Variants in BMP2K observed in about 807,000 individuals in gnomAD.
BMP2K encodes BMP2 inducible kinase.
In BMP2K, 74 loss-of-function variants were observed where a neutral mutation model predicts 116.0. That is an observed-to-expected ratio of 0.64 (90% CI 0.53 to 0.77). The LOEUF (loss-of-function observed/expected upper bound fraction) is 0.77, where lower values mean the gene tolerates loss of function less well. BMP2K is among the 30% of genes least tolerant of loss of function. The pLI is 0.00. For missense variants in BMP2K, 1,365 were observed against 1,403.6 expected (o/e 0.97, Z 0.44); for synonymous variants, 486 against 502.5 (o/e 0.97, Z 0.44).
intron 10 of BMP2K, among the ~76,000 whole-genome samples, chr4:78,867,767 A>G (rs1732128500): frequency 6.6e-6 from 1 of 152,208 alleles, no homozygotes; most frequent in Non-Finnish European, 1.5e-5. Flanking sequence ...TTGTATTTAA[A>G]ATAAATGGAG....
At chr4:78,909,337 C>G (rs1174880711) in intron 15 of BMP2K, among the ~76,000 whole-genome samples, 1 of 148,274 alleles carries the variant, frequency 6.7e-6, no homozygotes, top group Non-Finnish European at 1.5e-5. Context: ...CACCCAGCCC[C>G]CTTAGTGTTT....
At chr4:78,787,581 G>T (rs748226875) in intron 1 of BMP2K, among the ~76,000 whole-genome samples, 1 of 152,106 alleles carries the variant, frequency 6.6e-6, no homozygotes, top group African/African-American at 2.4e-5. Flanking sequence ...TATCTTGAGT[G>T]GCGGATAGTA....
intron 3 of BMP2K, among the ~76,000 whole-genome samples, chr4:78,836,230 A>G (rs1039814755): frequency 6.6e-6 from 1 of 152,020 alleles, no homozygotes; most frequent in African/African-American, 2.4e-5. Flanking sequence ...AGCCTGACCA[A>G]CATAGTGAAA....
chr4:78,912,152 T>C lies in BMP2K; in HGVS notation c.*119T>C, dbSNP rs548139434. 11 of 908,466 alleles carry C rather than the reference T, an allele frequency of 1.2e-5. No homozygotes were observed. The Admixed American group carries it at 2.7e-4, about 22-fold the overall frequency. The allele number at this position is 908,466 out of a possible 1,614,324, so 56.3% of individuals were successfully genotyped here. A position where few individuals can be genotyped will look rare whatever the true frequency, so the allele number is the denominator to read the frequency against. On this transcript the variant is annotated 3_prime_UTR_variant, in exon 16 of 16. Coordinates refer to ENST00000502613, the MANE Select transcript of BMP2K (RefSeq NM_198892.2). Reference sequence around the variant, plus strand: ...ATTCATTCTTAAAGATCAGTCAGAATAGGTGATTTCTAAATAAACCAAATA... The same window carrying C: ...ATTCATTCTTAAAGATCAGTCAGAACAGGTGATTTCTAAATAAACCAAATA...
At chr4:78,860,610 A>G (rs1041831414) in intron 8 of BMP2K, among the ~76,000 whole-genome samples, 52 of 151,862 alleles carry the variant, frequency 3.4e-4, no homozygotes, top group Non-Finnish European at 6.6e-4. Flanking sequence ...GTGTATGGCA[A>G]GTCTCTGCCA....
intron 2 of BMP2K, among the ~76,000 whole-genome samples, chr4:78,833,373 A>G (rs1577909607): frequency 6.6e-6 from 1 of 152,030 alleles, no homozygotes; most frequent in East Asian, 1.9e-4. Context: ...TAATTTTCAT[A>G]TTTGCTGTTA....
At chr4:78,789,424 A>G (rs975082751) in intron 1 of BMP2K, among the ~76,000 whole-genome samples, 2 of 152,054 alleles carry the variant, frequency 1.3e-5, no homozygotes, top group Non-Finnish European at 2.9e-5. Flanking sequence ...GCCTGTAGCT[A>G]TAGTCATAGC....
At chr4:78,886,595 A>G (rs543991080) in intron 14 of BMP2K, among the ~76,000 whole-genome samples, 5 of 152,210 alleles carry the variant, frequency 3.3e-5, no homozygotes, top group African/African-American at 1.2e-4. Context: ...TTACTTGTTG[A>G]ATGAATCAAT....
rs985993396 is a variant in BMP2K, at chr4:78,870,674, A to G, written c.1232-109A>G. 9 of 1,391,684 alleles carry G rather than the reference A, an allele frequency of 6.5e-6. No individual in the cohort carries two copies. In the African/African-American group the frequency reaches 1.0e-4, roughly 16 times the overall value. The allele number at this position is 1,391,684 out of a possible 1,614,324, so 86.2% of individuals were successfully genotyped here. On this transcript the variant is annotated intron_variant, in intron 10 of 15. Coordinates refer to ENST00000502613, the MANE Select transcript of BMP2K (RefSeq NM_198892.2). ...ATATGGAAGTTTTTGTGTTATAAAT[A>G]AGGATATAAATGCCTTAGTTAAATT...
Position 78,811,821 on chromosome 4 carries a change from G to A in BMP2K, c.179-14216G>A, listed in dbSNP as rs184038336. On this transcript the variant is annotated intron_variant, in intron 1 of 15. Transcript: ENST00000502613. ...TAATTTGTTGACCCATCATGTATTG[G>A]CTTACAAAAACCCATATTTTCCCTC... 2.6e-3 allele frequency among the ~76,000 whole-genome samples: 394 copies of A among 152,064 alleles called. 1 individual carries two copies. The highest frequency in any genetic ancestry group is 4.4e-3 in the Non-Finnish European group (302 of 67,988).
chr4:78,887,722 A>G (rs1308811875), intron 15 of BMP2K, among the ~76,000 whole-genome samples: 1 of 152,160 alleles, frequency 6.6e-6, no homozygotes, highest in African/African-American at 2.4e-5. Context: ...ATTTCAATTC[A>G]GAATTCAAAT....
chr4:78,828,316 G>A (rs1406246130), intron 2 of BMP2K, among the ~76,000 whole-genome samples: 1 of 152,222 alleles, frequency 6.6e-6, no homozygotes, highest in East Asian at 1.9e-4. Context: ...ATGAAGTGAT[G>A]CATAGGGTAT....
chr4:78,887,289 G>A lies in BMP2K; in HGVS notation c.2062+5G>A. ...TTCCTTTCATTTCTCATTCAGGCAA[G>A]TTACACATGTAACATCATCACTGTC... On this transcript the variant is annotated splice_donor_5th_base_variant and intron_variant, in intron 15 of 15. Coordinates refer to ENST00000502613, the MANE Select transcript of BMP2K (RefSeq NM_198892.2). 1.3e-6 allele frequency: 2 copies of A among 1,578,262 alleles called. No individual in the cohort carries two copies. Among genetic ancestry groups the A allele is most frequent in the Non-Finnish European group, 1.7e-6 (2 of 1,152,940 alleles).
chr4:78,850,308 TA>T (rs1272231533), intron 6 of BMP2K, among the ~76,000 whole-genome samples: 2 of 151,882 alleles, frequency 1.3e-5, no homozygotes, highest in African/African-American at 4.8e-5. Flanking sequence ...CCATGCAGGT[TA>T]AGCAGACAGA....
At chr4:78,793,000 A>C (rs1728077089) in intron 1 of BMP2K, among the ~76,000 whole-genome samples, 1 of 152,234 alleles carries the variant, frequency 6.6e-6, no homozygotes, top group Non-Finnish European at 1.5e-5. Flanking sequence ...CTGTCAAAGT[A>C]GGTGTGAGAA....
chr4:78,828,596 C>T (rs1729995757), intron 2 of BMP2K, among the ~76,000 whole-genome samples: 1 of 152,256 alleles, frequency 6.6e-6, no homozygotes, highest in South Asian at 2.1e-4. Context: ...GATTCTGTTT[C>T]CTGAGGCCTA....
At chr4:78,904,853 T>C (rs890451990) in intron 15 of BMP2K, among the ~76,000 whole-genome samples, 2 of 151,934 alleles carry the variant, frequency 1.3e-5, no homozygotes, top group African/African-American at 4.8e-5. Flanking sequence ...AAGTCTATGA[T>C]TTTATTATTT....
At chr4:78,873,658 C>CTGTG (rs377226626) in intron 13 of BMP2K, among the ~76,000 whole-genome samples, 1,474 of 139,486 alleles carry the variant, frequency 0.011, 12 homozygotes, top group East Asian at 0.018. Context: ...CTCCCAACCT[C>CTGTG]TGTGTGTGTG....
chr4:78,852,110 A>G (rs1731280722), intron 7 of BMP2K, among the ~76,000 whole-genome samples: 1 of 152,140 alleles, frequency 6.6e-6, no homozygotes, highest in Non-Finnish European at 1.5e-5. Flanking sequence ...ATTTGCTTAC[A>G]GTAGTAGGAT....
Sources: allele counts gnomAD v4.1 joint callset (sites outside exome capture counted in the v4.1 genomes callset), GRCh38; gene constraint gnomAD v4.1.1; transcripts MANE v1.5; gene names NCBI Gene and HGNC (gene_info 2026-07-23, HGNC 2026-07-21).